Variants in TOR1AIP2 observed in about 807,000 individuals in gnomAD.
TOR1AIP2 encodes the protein torsin 1A interacting protein 2, also known as torsin-1A-interacting protein 2.
In TOR1AIP2, 20 loss-of-function variants were observed where a neutral mutation model predicts 32.6. That is an observed-to-expected ratio of 0.61 (90% confidence interval 0.43 to 0.89). The LOEUF (loss-of-function observed/expected upper bound fraction) is 0.89. Ranked by LOEUF, TOR1AIP2 falls within the 40% of genes least tolerant of loss-of-function variation. The probability of loss-of-function intolerance (pLI) is 0.00; values close to 1 mark genes in which losing one functional copy is unlikely to be tolerated. For missense variants in TOR1AIP2, 456 were observed against 553.8 expected (o/e 0.82, Z 1.77); for synonymous variants, 214 against 210.8 (o/e 1.02, Z -0.13).
At chr1:179,873,534 C>T (rs1413013441) in intron 2 of TOR1AIP2, among the ~76,000 whole-genome samples, 1 of 152,170 alleles carries the variant, frequency 6.6e-6, no homozygotes, top group Non-Finnish European at 1.5e-5. Flanking sequence ...AACATAGTAC[C>T]TCCACTGTCG....
intron 3 of TOR1AIP2, 51 bp downstream of exon 3, chr1:179,865,385 A>C (rs1466982700): frequency 5.0e-6 from 3 of 601,874 alleles, no homozygotes; most frequent in Non-Finnish European, 8.6e-6. Context: ...ATTGCAACTC[A>C]GTCTCTGAAC....
intron 4 of TOR1AIP2, 58 bp downstream of exon 4, chr1:179,852,574 T>A: frequency 6.3e-7 from 1 of 1,585,560 alleles, no homozygotes; most frequent in South Asian, 1.1e-5. Flanking sequence ...ATTTTCTCTC[T>A]CTGCACACCC....
Position 179,846,043 on chromosome 1 carries a change from C to A in TOR1AIP2, c.*28G>T, listed in dbSNP as rs372694583. 6.3e-7 allele frequency: 1 copy of A among 1,590,710 alleles called. No individual in the cohort carries two copies. Among genetic ancestry groups the A allele is most frequent in the Non-Finnish European group, 8.6e-7 (1 of 1,166,902 alleles). On this transcript the variant is annotated 3_prime_UTR_variant, in exon 7 of 7. Transcript: ENST00000609928. Reference sequence around the variant, plus strand: ...AAACAAACTTTTTCATAAACATATACCTTCTGTAACCAACTCTGTGCTTAG... The same window carrying A: ...AAACAAACTTTTTCATAAACATATAACTTCTGTAACCAACTCTGTGCTTAG...
rs976129053 is a variant in TOR1AIP2 at position 179,860,796 on chromosome 1, C to T, written c.-147+4640G>A. On this transcript the variant is annotated intron_variant, in intron 3 of 6. Transcript: ENST00000609928. Reference sequence around the variant, plus strand: ...ATAAAAAGCAATTTTCAAGCTGTGTCCCCAAAATTCCATGGAGACTCAGGG... The same window carrying T: ...ATAAAAAGCAATTTTCAAGCTGTGTTCCCAAAATTCCATGGAGACTCAGGG... 17 of 985,302 alleles carry T rather than the reference C, an allele frequency of 1.7e-5. 1 individual carries two copies. The highest frequency in any genetic ancestry group is 1.2e-4 in the Admixed American group (2 of 16,268). 61.0% of individuals were successfully genotyped at this position (985,302 alleles called of 1,614,324 possible).
rs1695815305 is a variant in TOR1AIP2 at position 179,844,121 on chromosome 1, T to C, written c.*1950A>G. The C allele has an allele frequency of 6.6e-6, 1 of 152,200 alleles. No homozygotes were observed. The highest frequency in any genetic ancestry group is 6.5e-5 in the Admixed American group (1 of 15,276). 9.4% of individuals were successfully genotyped at this position (152,200 alleles called of 1,614,324 possible). A position where few individuals can be genotyped will look rare whatever the true frequency, so the allele number is the denominator to read the frequency against. On this transcript the variant is annotated 3_prime_UTR_variant, in exon 7 of 7. Transcript: ENST00000609928. ...AACACTGGTTTTGTGGATGTAACGC[T>C]AGCATCTAAGATCTAAAAAGACAGA...
At chr1:179,846,913 G>A in intron 6 of TOR1AIP2, 85 bp from the exon 7 acceptor site, 1 of 1,429,826 alleles carries the variant, frequency 7.0e-7, no homozygotes, top group East Asian at 2.3e-5. Context: ...ATGAGGCAGA[G>A]ATACCAGCAG....
At chr1:179,865,355 C>T (rs999305858) in intron 3 of TOR1AIP2, 81 bp downstream of exon 3, 15 of 740,396 alleles carry the variant, frequency 2.0e-5, no homozygotes, top group Non-Finnish European at 3.0e-5. Flanking sequence ...TTCAAGATTT[C>T]GTTGTCTATT....
chr1:179,870,836 G>T (rs1696985532), intron 2 of TOR1AIP2, among the ~76,000 whole-genome samples: 1 of 152,156 alleles, frequency 6.6e-6, no homozygotes, highest in Admixed American at 6.5e-5. Flanking sequence ...CTGATTTAAG[G>T]TAAGTATATG....
At chr1:179,866,099 G>A (rs1312753267) in intron 2 of TOR1AIP2, among the ~76,000 whole-genome samples, 1 of 152,114 alleles carries the variant, frequency 6.6e-6, no homozygotes. Context: ...CTCCATGTGT[G>A]CCTTGGGAAT....
chr1:179,872,399 T>C (rs1339716924), intron 2 of TOR1AIP2, among the ~76,000 whole-genome samples: 1 of 152,224 alleles, frequency 6.6e-6, no homozygotes, highest in Non-Finnish European at 1.5e-5. Flanking sequence ...TGCTAGCTAT[T>C]TATTGTCTGT....
At chr1:179,866,413 TG>T (rs558533273) in intron 2 of TOR1AIP2, among the ~76,000 whole-genome samples, 105 of 151,154 alleles carry the variant, frequency 6.9e-4, no homozygotes, top group Middle Eastern at 3.4e-3. Flanking sequence ...TATTCTTGTT[TG>T]TTTTTTTTTC....
rs771673669 is a variant in TOR1AIP2, at chr1:179,851,105, C to T, written c.293G>A (p.Gly98Glu). The T allele has an allele frequency of 3.1e-6, 5 of 1,614,084 alleles. No homozygotes were observed. In the Admixed American group the frequency reaches 8.3e-5, roughly 27 times the overall value. The part of the protein sequence containing the change: ...DENKQSFLDG[G>E]KGHHLPSENL... The stretch of plus-strand genomic sequence containing the variant: ...TTCTGAAGGGAGGTGATGCCCTTTT[C>T]CGCCATCCAGAAAACTCTGCTTGTT... The change falls in exon 5 of 7, where the codon GGA (glycine) becomes GAA (glutamate). Residue 98 changes from glycine (G) to glutamate (E), a missense_variant. Gly to Glu is a moderately conservative substitution (Grantham distance 98, BLOSUM62 -2). Transcript: ENST00000609928.
chr1:179,864,131 G>A (rs994547768), intron 3 of TOR1AIP2: 3 of 985,286 alleles, frequency 3.0e-6, no homozygotes, highest in Admixed American at 6.2e-5. Flanking sequence ...GCATGTTTCT[G>A]CATAACCTAT....
chr1:179,863,282 C>A, intron 3 of TOR1AIP2: 1 of 981,370 alleles, frequency 1.0e-6, no homozygotes, highest in Non-Finnish European at 1.2e-6. Flanking sequence ...ATGTGGCCTA[C>A]CCAGGCAATG....
At chr1:179,865,347 CA>C in intron 3 of TOR1AIP2, 88 bp downstream of exon 3, 2 of 784,570 alleles carry the variant, frequency 2.5e-6, no homozygotes, top group Non-Finnish European at 4.0e-6. Context: ...TGCAATTCTT[CA>C]AGATTTCGTT....
intron 5 of TOR1AIP2, among the ~76,000 whole-genome samples, 174 bp downstream of exon 5, chr1:179,850,671 C>A (rs996336991): frequency 9.9e-5 from 15 of 152,198 alleles, no homozygotes; most frequent in Admixed American, 7.9e-4. Flanking sequence ...AGATGAGAAA[C>A]CTCATTCTAA....
chr1:179,859,555 A>G (rs1571677532), intron 3 of TOR1AIP2: 9 of 985,304 alleles, frequency 9.1e-6, no homozygotes, highest in South Asian at 4.7e-5. Context: ...ACTTTTCTCT[A>G]TTTCTTCTTT....
chr1:179,875,503 A>G (rs1697163328), intron 2 of TOR1AIP2: 1 of 152,184 alleles, frequency 6.6e-6, no homozygotes. Context: ...TATAATTAAA[A>G]CCCCAGAAGA....
At chr1:179,860,783 T>A (rs964795286) in intron 3 of TOR1AIP2, 2 of 985,282 alleles carry the variant, frequency 2.0e-6, no homozygotes, top group African/African-American at 3.5e-5. Context: ...AAAAAGCAAT[T>A]TTCAAGCTGT....
Sources: gnomAD v4.1 joint callset for allele counts (sites outside exome capture counted in the v4.1 genomes callset) on GRCh38, gnomAD v4.1.1 for gene constraint, MANE v1.5 for transcripts, NCBI Gene and HGNC (gene_info 2026-07-23, HGNC 2026-07-21) for gene names.